Variants in BTD observed in about 807,000 individuals in gnomAD.
BTD encodes biotinidase.
Under a neutral mutation model 17.7 loss-of-function variants are expected in BTD, and 13 were observed. That is an observed-to-expected ratio of 0.74 (90% CI 0.48 to 1.17). The LOEUF (loss-of-function observed/expected upper bound fraction) is 1.17. Ranked by LOEUF, BTD falls within the 50% of genes most tolerant of loss-of-function variation. The pLI, the probability that BTD is intolerant of heterozygous loss-of-function variation, is 0.00. For synonymous variants in BTD, 240 were observed against 245.2 expected (o/e 0.98, Z 0.20); for missense variants, 674 against 650.4 (o/e 1.04, Z -0.39).
rs569379067 is a variant in BTD, at chr3:15,666,658, G to A, written c.399+24601G>A. On this transcript the variant is annotated intron_variant, in intron 3 of 3. Coordinates refer to the BTD transcript ENST00000672141. ...TCACTTCTATTATCTAATCTTGTACGTGTTTCCAATTAGCTCTCTTGTATA... is the reference window on the plus strand; with the variant it reads ...TCACTTCTATTATCTAATCTTGTACATGTTTCCAATTAGCTCTCTTGTATA... 5.3e-5 allele frequency among the ~76,000 whole-genome samples: 8 copies of A among 149,954 alleles called. No individual in the cohort carries two copies. The South Asian group carries it at 1.1e-3, about 20-fold the overall frequency.
At chr3:15,689,948 TTA>T in intron 3 of BTD, 1 of 1,335,902 alleles carries the variant, frequency 7.5e-7, no homozygotes, top group Non-Finnish European at 1.0e-6. Context: ...ACTGGAAATA[TTA>T]TATATCAGAA....
At chr3:15,642,234 G>A (rs530884413) in intron 3 of BTD, 177 bp downstream of exon 3, 30 of 1,461,272 alleles carry the variant, frequency 2.1e-5, no homozygotes, top group Middle Eastern at 2.2e-4. Context: ...AATGTCTGAC[G>A]TTACAAGGCA....
intron 2 of BTD, among the ~76,000 whole-genome samples, chr3:15,639,846 A>C (rs1269459000): frequency 6.6e-6 from 1 of 152,220 alleles, no homozygotes; most frequent in East Asian, 1.9e-4. Context: ...GCTGTGGCTC[A>C]TGCCTGTAAT....
downstream of BTD, among the ~76,000 whole-genome samples, chr3:15,655,028 C>T (rs547605379): frequency 2.2e-4 from 34 of 152,306 alleles, no homozygotes; most frequent in Admixed American, 5.9e-4. Context: ...CCACCGCGCC[C>T]GGCCTGCATC....
At chr3:15,676,052 C>G (rs754972889) in intron 3 of BTD, 1 of 1,356,770 alleles carries the variant, frequency 7.4e-7, no homozygotes, top group South Asian at 1.4e-5. Context: ...CACATACACA[C>G]CTGGCTGTCA....
At chr3:15,692,098 C>T (rs1250166456) in intron 3 of BTD, among the ~76,000 whole-genome samples, 2 of 150,100 alleles carry the variant, frequency 1.3e-5, no homozygotes, top group Non-Finnish European at 3.0e-5. Context: ...TGGGAATGCA[C>T]CACTGCAACC....
At chr3:15,722,277 T>C (rs139205570) in exon 5 of BTD, among the ~76,000 whole-genome samples, 377 of 152,302 alleles carry the variant, frequency 2.5e-3, no homozygotes, top group African/African-American at 8.5e-3. Flanking sequence ...AGCCATATAA[T>C]GGAGCCCCAA....
chr3:15,635,620 G>A lies in BTD; in HGVS notation c.181G>A (p.Glu61Lys), dbSNP rs1234170322. 1.9e-6 allele frequency: 3 copies of A among 1,614,104 alleles called. No individual in the cohort carries two copies. Among genetic ancestry groups the A allele is most frequent in the Non-Finnish European group, 2.5e-6 (3 of 1,180,054 alleles). Reference sequence around the variant, plus strand: ...CCCTCTGGCTCTCATCAGCCGCCAAGAGGCCTTGGAGCTCATGAACCAGAA... The same window carrying A: ...CCCTCTGGCTCTCATCAGCCGCCAAAAGGCCTTGGAGCTCATGAACCAGAA... ...LNPLALISRQEALELMNQNLD... is the reference protein window; with the variant it reads ...LNPLALISRQKALELMNQNLD... The change falls in exon 2 of 4, where the codon GAG (glutamate) becomes AAG (lysine). Residue 61 changes from glutamate (E) to lysine (K), a missense_variant. Physicochemically the swap from Glu to Lys is moderately conservative, Grantham distance 56. Transcript: ENST00000643237. This position sits in a 1 kb window ranked among gnomAD's most constrained non-coding sequence, Gnocchi z 4.1.
chr3:15,675,974 A>T, intron 3 of BTD: 1 of 1,612,944 alleles, frequency 6.2e-7, no homozygotes, highest in South Asian at 1.1e-5. Flanking sequence ...CATTTCGGGC[A>T]GCAACATGCA....
chr3:15,632,405 A>T (rs2065236067), intron 1 of BTD, among the ~76,000 whole-genome samples: 1 of 152,160 alleles, frequency 6.6e-6, no homozygotes, highest in African/African-American at 2.4e-5. Flanking sequence ...GTTCCCTGGA[A>T]GTGGGGTTCA....
At chr3:15,659,777 C>T (rs1047235556) in intron 3 of BTD, among the ~76,000 whole-genome samples, 1 of 152,170 alleles carries the variant, frequency 6.6e-6, no homozygotes, top group African/African-American at 2.4e-5. Flanking sequence ...GTGCCAAGTC[C>T]TTTATATGCA....
intron 4 of BTD, among the ~76,000 whole-genome samples, chr3:15,719,064 T>C (rs1468183703): frequency 6.6e-6 from 1 of 152,234 alleles, no homozygotes; most frequent in Non-Finnish European, 1.5e-5. Flanking sequence ...ACTAGGTGAT[T>C]TGACCGAGAC....
chr3:15,696,287 G>T, intron 3 of BTD: 1 of 1,258,818 alleles, frequency 7.9e-7, no homozygotes. Flanking sequence ...CCTAAATCCT[G>T]CATATTAACC....
chr3:15,645,053 G>C lies in BTD; in HGVS notation c.1137G>C (p.Met379Ile). The change falls in exon 4 of 4, where the codon ATG becomes ATC. Residue 379 changes from methionine (M) to isoleucine (I), a missense_variant. Physicochemically the swap from Met to Ile is conservative, Grantham distance 10. Transcript: ENST00000643237. Reference sequence around the variant, plus strand: ...CTCCCACATTTCACTCTGAGATGATGTATGACAATTTCACCCTGGTCCCTG... The same window carrying C: ...CTCCCACATTTCACTCTGAGATGATCTATGACAATTTCACCCTGGTCCCTG... ...NAPPTFHSEM[M>I]YDNFTLVPVW... is the part of the protein sequence containing the mutation. The C allele has an allele frequency of 6.2e-7, 1 of 1,614,238 alleles. No individual in the cohort carries two copies. Among genetic ancestry groups the C allele is most frequent in the Non-Finnish European group, 8.5e-7 (1 of 1,180,044 alleles).
chr3:15,615,672 T>A (rs2064770867), intron 1 of BTD, among the ~76,000 whole-genome samples: 2 of 152,246 alleles, frequency 1.3e-5, no homozygotes, highest in African/African-American at 4.8e-5. Context: ...ATATACTCCC[T>A]GTCCTGATAC....
downstream of BTD, chr3:15,713,706 A>C: frequency 9.9e-7 from 1 of 1,007,358 alleles, no homozygotes; most frequent in Non-Finnish European, 1.4e-6. Flanking sequence ...GTACTACATG[A>C]AAAGTAATAA....
chr3:15,656,313 C>T (rs1279423043), downstream of BTD, among the ~76,000 whole-genome samples: 1 of 152,134 alleles, frequency 6.6e-6, no homozygotes, highest in Non-Finnish European at 1.5e-5. Flanking sequence ...ACCCATTGTT[C>T]CCCTCAAACT....
Position 15,645,093 on chromosome 3 carries a change from G to A in BTD, c.1177G>A (p.Gly393Ser), listed in dbSNP as rs374141881. The change falls in exon 4 of 4, where the codon GGC becomes AGC. Residue 393 changes from glycine to serine, a missense_variant. By Grantham distance (56) the Gly-to-Ser change is moderately conservative. Transcript: ENST00000643237. ...CCTGGTCCCTGTCTGGGGAAAGGAA[G>A]GCTATCTCCACGTCTGTTCCAATGG... Reference protein sequence around the residue: ...FTLVPVWGKEGYLHVCSNGLC... With the variant: ...FTLVPVWGKESYLHVCSNGLC... 3.2e-5 allele frequency: 52 copies of A among 1,614,076 alleles called. No homozygotes were observed. The highest frequency in any genetic ancestry group is 4.3e-5 in the Non-Finnish European group (51 of 1,180,046).
At chr3:15,621,059 C>T (rs188408092) in intron 1 of BTD, among the ~76,000 whole-genome samples, 203 of 152,372 alleles carry the variant, frequency 1.3e-3, no homozygotes, top group African/African-American at 4.6e-3. Context: ...TATATCCCAG[C>T]TCCTGCAGAT....
Sources: allele counts gnomAD v4.1 joint callset (sites outside exome capture counted in the v4.1 genomes callset), GRCh38; gene constraint gnomAD v4.1.1; non-coding constraint Gnocchi (gnomAD v3.1); transcripts MANE v1.5; gene names NCBI Gene and HGNC (gene_info 2026-07-23, HGNC 2026-07-21).